The following ADAMTS18 variants were observed in gnomAD, a reference collection of about 807,000 sequenced individuals.
ADAMTS18 encodes the protein ADAM metallopeptidase with thrombospondin type 1 motif 18.
In ADAMTS18, 157 loss-of-function variants were observed where a neutral mutation model predicts 165.9. That is an observed-to-expected ratio of 0.95 (90% CI 0.83 to 1.08). The LOEUF (loss-of-function observed/expected upper bound fraction) is 1.08. Among genes scored for constraint, ADAMTS18 ranks in the 50% least tolerant of loss-of-function variants. The pLI, the probability that ADAMTS18 is intolerant of heterozygous loss-of-function variation, is 0.00. For missense variants in ADAMTS18, 2,040 were observed against 1,534.0 expected (o/e 1.33, Z -5.51); for synonymous variants, 782 against 578.2 (o/e 1.35, Z -5.06).
intron 8 of ADAMTS18, among the ~76,000 whole-genome samples, chr16:77,356,985 ATTTTTTT>A (rs4038549): frequency 6.0e-4 from 84 of 140,528 alleles, no homozygotes; most frequent in African/African-American, 1.6e-3. Flanking sequence ...CTTTTCTGAA[ATTTTTTT>A]TTTTTTTTTT....
At position 77,356,117 on chromosome 16, in the gene ADAMTS18, C is replaced by G. The variant is rs949821987; in HGVS notation, c.1323-40G>C. 12 of 1,613,548 alleles carry G rather than the reference C, an allele frequency of 7.4e-6. No homozygotes were observed. The Admixed American group carries it at 8.3e-5, about 11-fold the overall frequency. On this transcript the variant is annotated intron_variant, in intron 8 of 22. Coordinates refer to ENST00000282849, the MANE Select transcript of ADAMTS18 (RefSeq NM_199355.4). ...AGAAAACAAAATCCTGCTTTGTGAA[C>G]CCATTTTTTTGAAGGATAATCTGAG...
chr16:77,352,309 G>T (rs1457741241), intron 10 of ADAMTS18, among the ~76,000 whole-genome samples: 1 of 151,998 alleles, frequency 6.6e-6, no homozygotes, highest in Non-Finnish European at 1.5e-5. Context: ...AATAAAGAAG[G>T]TAGTTATTAA....
At chr16:77,335,704 A>T (rs1437402528) in intron 12 of ADAMTS18, 52 bp downstream of exon 12, 1 of 1,610,166 alleles carries the variant, frequency 6.2e-7, no homozygotes, top group Non-Finnish European at 8.5e-7. Context: ...CCAGCGTGTT[A>T]CAGGCTGAAG....
At chr16:77,295,226 A>C (rs2055446491) in intron 18 of ADAMTS18, 99 bp from the exon 19 acceptor site, 2 of 1,239,388 alleles carry the variant, frequency 1.6e-6, no homozygotes, top group Middle Eastern at 1.8e-4. Flanking sequence ...GAAGCCATGA[A>C]TCAATTTCAG....
intron 3 of ADAMTS18, among the ~76,000 whole-genome samples, chr16:77,406,727 G>A (rs1459902827): frequency 1.3e-5 from 2 of 151,906 alleles, no homozygotes; most frequent in Non-Finnish European, 2.9e-5. Context: ...CATCAATAGT[G>A]AACTGGACAA....
intron 3 of ADAMTS18, chr16:77,378,809 T>C (rs1249108369): frequency 6.6e-6 from 1 of 152,200 alleles, no homozygotes; most frequent in African/African-American, 2.4e-5. Flanking sequence ...TTATGATTAT[T>C]ACATTTGACT....
intron 21 of ADAMTS18, 104 bp downstream of exon 21, chr16:77,291,162 T>C: frequency 1.5e-6 from 2 of 1,326,040 alleles, no homozygotes; most frequent in South Asian, 2.4e-5. Context: ...CTTAGTTGTT[T>C]TTACTTAGAC....
Position 77,434,746 on chromosome 16 carries a change from C to A in ADAMTS18, c.-51G>T, listed in dbSNP as rs1211869648. 2.9e-6 allele frequency: 4 copies of A among 1,358,232 alleles called. No homozygotes were observed. The highest frequency in any genetic ancestry group is 6.4e-5 in the East Asian group (2 of 31,094). The allele number at this position is 1,358,232 out of a possible 1,614,324, so 84.1% of individuals were successfully genotyped here. ...GGGTGGCCAGACGCGGCAGGCGGAG[C>A]GCACGGGCGGCGCGCATTCTTTCCG... On this transcript the variant is annotated 5_prime_UTR_variant, in exon 1 of 23. Coordinates refer to ENST00000282849, the MANE Select transcript of ADAMTS18 (RefSeq NM_199355.4).
At chr16:77,296,846 T>C (rs575570617) in intron 18 of ADAMTS18, among the ~76,000 whole-genome samples, 9 of 152,146 alleles carry the variant, frequency 5.9e-5, no homozygotes, top group African/African-American at 1.4e-4. Flanking sequence ...AAAAAAGAGG[T>C]CTTCATATCC....
rs1436892800 is a variant in ADAMTS18 at position 77,434,520 on chromosome 16, G to A, written c.91-15C>T. 1.9e-6 allele frequency: 3 copies of A among 1,547,998 alleles called. No homozygotes were observed. Among genetic ancestry groups the A allele is most frequent in the Non-Finnish European group, 1.7e-6 (2 of 1,150,402 alleles). ...AGCTGGAGCGCCTGCAAGAGAAAAG[G>A]TGACATCGCGCGTGAGGGGCGCGGC... is the stretch of plus-strand genomic sequence containing the variant. On this transcript the variant is annotated splice_polypyrimidine_tract_variant and intron_variant, in intron 1 of 22. Coordinates refer to ENST00000282849, the MANE Select transcript of ADAMTS18 (RefSeq NM_199355.4).
chr16:77,289,482 C>G lies in ADAMTS18; in HGVS notation c.3403-71G>C, dbSNP rs987493920. ...TCAGTGACATCAAACAGAAGGAATT[C>G]CCATGCTTCATGACATTAACAAGAT... On this transcript the variant is annotated intron_variant, in intron 21 of 22. Coordinates refer to ENST00000282849, the MANE Select transcript of ADAMTS18 (RefSeq NM_199355.4). 4 of 1,560,694 alleles carry G rather than the reference C, an allele frequency of 2.6e-6. No individual in the cohort carries two copies. In the East Asian group the frequency reaches 9.0e-5, roughly 35 times the overall value.
chr16:77,377,836 A>C (rs2056974616), intron 3 of ADAMTS18, among the ~76,000 whole-genome samples: 1 of 152,246 alleles, frequency 6.6e-6, no homozygotes, highest in Non-Finnish European at 1.5e-5. Flanking sequence ...ATGTACAAGA[A>C]TAGCCCCAAA....
In ADAMTS18 at chr16:77,357,804, A is replaced by T. The variant is rs537650693; in HGVS notation, c.1322+1514T>A. 4.2e-4 allele frequency among the ~76,000 whole-genome samples: 64 copies of T among 152,314 alleles called. 1 individual carries two copies. Among genetic ancestry groups the T allele is most frequent in the African/African-American group, 1.5e-3 (62 of 41,580 alleles). On this transcript the variant is annotated intron_variant, in intron 8 of 22. Coordinates refer to ENST00000282849, the MANE Select transcript of ADAMTS18 (RefSeq NM_199355.4). Reference sequence around the variant, plus strand: ...GTCTGTTTCAGAACTTCTTAAGTCCATGTTATTTAGAACTTAGGTATGTAT... The same window carrying T: ...GTCTGTTTCAGAACTTCTTAAGTCCTTGTTATTTAGAACTTAGGTATGTAT...
chr16:77,381,242 G>A (rs1159943444), intron 3 of ADAMTS18, among the ~76,000 whole-genome samples: 2 of 138,238 alleles, frequency 1.4e-5, no homozygotes, highest in Non-Finnish European at 3.0e-5. Flanking sequence ...TCCATGGCCT[G>A]CCCACACTCT....
chr16:77,296,803 G>A (rs2055481798), intron 18 of ADAMTS18, among the ~76,000 whole-genome samples: 1 of 152,242 alleles, frequency 6.6e-6, no homozygotes, highest in East Asian at 1.9e-4. Flanking sequence ...CTGGGCAACA[G>A]AGTGAGACTC....
intron 6 of ADAMTS18, among the ~76,000 whole-genome samples, chr16:77,363,109 T>C (rs1000547110): frequency 1.3e-5 from 2 of 152,208 alleles, no homozygotes; most frequent in African/African-American, 2.4e-5. Flanking sequence ...ACTTAAAAAA[T>C]AGCCATTTGA....
chr16:77,429,768 A>G (rs932142952), intron 3 of ADAMTS18, among the ~76,000 whole-genome samples: 2 of 152,174 alleles, frequency 1.3e-5, no homozygotes, highest in Non-Finnish European at 2.9e-5. Context: ...TGAGGAGGCT[A>G]AATTTTGCTG....
intron 12 of ADAMTS18, among the ~76,000 whole-genome samples, chr16:77,334,873 T>A (rs1234504794): frequency 7.6e-6 from 1 of 131,524 alleles, no homozygotes; most frequent in East Asian, 2.1e-4. Flanking sequence ...GTACAGTATA[T>A]GCACTATATA....
intron 16 of ADAMTS18, among the ~76,000 whole-genome samples, chr16:77,309,091 G>A (rs1347532779): frequency 6.6e-6 from 1 of 152,062 alleles, no homozygotes; most frequent in Non-Finnish European, 1.5e-5. Context: ...TTATGTTGTA[G>A]AAAATAAGTT....
Sources: gnomAD v4.1 joint callset for allele counts (sites outside exome capture counted in the v4.1 genomes callset) on GRCh38, gnomAD v4.1.1 for gene constraint, MANE v1.5 for transcripts, NCBI Gene and HGNC (gene_info 2026-07-23, HGNC 2026-07-21) for gene names.